VSTM4: variants seen among roughly 807,000 people sequenced by gnomAD.
VSTM4 encodes V-set and transmembrane domain containing 4.
Under a neutral mutation model 36.4 loss-of-function variants are expected in VSTM4, and 20 were observed. The observed-to-expected ratio is 0.55, with a 90% CI of 0.39 to 0.80. The LOEUF is 0.80. Among genes scored for constraint, VSTM4 ranks in the 30% least tolerant of loss-of-function variants. The pLI is 0.00. For missense variants in VSTM4, 392 were observed against 404.5 expected, an observed-to-expected ratio of 0.97 and a Z score of 0.26; for synonymous variants, 182 against 173.9, an observed-to-expected ratio of 1.05 and a Z score of -0.37.
chr10:49,111,925 T>C (rs1211655248), intron 1 of VSTM4, among the ~76,000 whole-genome samples: 2 of 149,012 alleles, frequency 1.3e-5, no homozygotes, highest in Non-Finnish European at 2.9e-5. Flanking sequence ...GGATGTGAGC[T>C]TGAGCTAAAG....
chr10:49,037,936 C>CA (rs371679019), intron 7 of VSTM4, among the ~76,000 whole-genome samples: 7,225 of 127,940 alleles, frequency 0.056, 223 homozygotes, highest in South Asian at 0.16. Flanking sequence ...TAGCTACTAT[C>CA]AAAGAAAAAA....
At chr10:49,105,213 C>CAG (rs376193769) in intron 2 of VSTM4, among the ~76,000 whole-genome samples, 53,844 of 117,078 alleles carry the variant, frequency 0.46, 11,731 homozygotes, top group Non-Finnish European at 0.5. Context: ...GACAGAGAGA[C>CAG]AGAGAGAGAG....
intron 5 of VSTM4, among the ~76,000 whole-genome samples, chr10:49,053,290 C>T (rs1433465146): frequency 6.6e-6 from 1 of 152,196 alleles, no homozygotes; most frequent in Non-Finnish European, 1.5e-5. Flanking sequence ...AGAGGCCTTG[C>T]TGTAAGATGT....
At chr10:49,078,977 C>A (rs1199599021) in intron 3 of VSTM4, among the ~76,000 whole-genome samples, 1 of 150,120 alleles carries the variant, frequency 6.7e-6, no homozygotes, top group Non-Finnish European at 1.5e-5. Context: ...GGCTACAGGT[C>A]CACGCCGCCA....
intron 7 of VSTM4, among the ~76,000 whole-genome samples, chr10:49,029,315 A>G (rs1485274743): frequency 1.3e-5 from 2 of 152,256 alleles, no homozygotes. Flanking sequence ...AATAAAAATA[A>G]AGAAACAAAA....
At position 49,058,922 on chromosome 10, in the gene VSTM4, C is replaced by T. The variant is rs533318804; in HGVS notation, c.668+5781G>A. Among the ~76,000 whole-genome samples the T allele has an allele frequency of 3.9e-5, 6 of 152,308 alleles. No individual in the cohort carries two copies. The East Asian group carries it at 1.2e-3, about 29-fold the overall frequency. On this transcript the variant is annotated intron_variant, in intron 5 of 7. Transcript: ENST00000332853. ...CATTCTTCTTGATCACAGCTTAAGA[C>T]CCAGGGCCCCATTTGCCCATGGCAG... is the stretch of plus-strand genomic sequence containing the variant.
rs928929263 is a variant in VSTM4 at position 49,017,662 on chromosome 10, T to A, written c.*1988A>T. ...GAGGCCTAAGGGGCCTGGGAAGATATTACCCCCTGGCCTGTTGCCCTCTTC... is the reference window on the plus strand; with the variant it reads ...GAGGCCTAAGGGGCCTGGGAAGATAATACCCCCTGGCCTGTTGCCCTCTTC... On this transcript the variant is annotated 3_prime_UTR_variant, in exon 8 of 8. Transcript: ENST00000332853. 6.6e-6 allele frequency: 1 copy of A among 152,158 alleles called. No individual in the cohort carries two copies. Among genetic ancestry groups the A allele is most frequent in the South Asian group, 2.1e-4 (1 of 4,818 alleles). The allele number at this position is 152,158 out of a possible 1,614,324, so 9.4% of individuals were successfully genotyped here. A position where few individuals can be genotyped will look rare whatever the true frequency, so the allele number is the denominator to read the frequency against.
intron 5 of VSTM4, among the ~76,000 whole-genome samples, chr10:49,058,480 A>G (rs1460483032): frequency 2.6e-5 from 4 of 152,134 alleles, no homozygotes; most frequent in Admixed American, 2.0e-4. Context: ...TGGGAAGGGC[A>G]CATTGAACCT....
chr10:49,074,375 G>A (rs891034440), intron 4 of VSTM4, among the ~76,000 whole-genome samples: 3 of 152,218 alleles, frequency 2.0e-5, no homozygotes, highest in African/African-American at 7.2e-5. Context: ...AAGAAGAACA[G>A]CTCTAAGGCC....
intron 3 of VSTM4, among the ~76,000 whole-genome samples, chr10:49,084,438 A>C (rs557202522): frequency 2.6e-5 from 4 of 152,362 alleles, no homozygotes; most frequent in African/African-American, 9.6e-5. Context: ...TGGTCTGCAA[A>C]CGATGTTCAC....
chr10:49,094,610 T>C (rs1409774758), intron 2 of VSTM4, among the ~76,000 whole-genome samples: 1 of 152,168 alleles, frequency 6.6e-6, no homozygotes, highest in East Asian at 1.9e-4. Context: ...GAAGAAAAGA[T>C]CCTTAAGTAA....
chr10:49,073,214 T>C lies in VSTM4; in HGVS notation c.634+4005A>G, dbSNP rs551175082. Reference sequence around the variant, plus strand: ...GCAAATCTACCTGCCAATCTGCTTCTGGAACACCACCTGAGCCTGAGCAAC... The same window carrying C: ...GCAAATCTACCTGCCAATCTGCTTCCGGAACACCACCTGAGCCTGAGCAAC... On this transcript the variant is annotated intron_variant, in intron 4 of 7. Coordinates refer to ENST00000332853, the MANE Select transcript of VSTM4 (RefSeq NM_001031746.5). Among the ~76,000 whole-genome samples the C allele has an allele frequency of 2.0e-5, 3 of 152,322 alleles. No homozygotes were observed. The South Asian group carries it at 6.2e-4, about 32-fold the overall frequency.
At chr10:49,049,992 T>A (rs1843673017) in intron 5 of VSTM4, among the ~76,000 whole-genome samples, 1 of 152,258 alleles carries the variant, frequency 6.6e-6, no homozygotes, top group Non-Finnish European at 1.5e-5. Context: ...AAATGTTGTG[T>A]GCATAAGATC....
intron 5 of VSTM4, among the ~76,000 whole-genome samples, chr10:49,051,498 C>G (rs1164312641): frequency 6.6e-6 from 1 of 151,366 alleles, no homozygotes; most frequent in Admixed American, 6.6e-5. Flanking sequence ...CGGGTTCAAG[C>G]GATTCTCCTG....
In VSTM4 at chr10:49,098,642, G is replaced by A. The variant is rs548649832; in HGVS notation, c.457+8952C>T. 2.6e-5 allele frequency among the ~76,000 whole-genome samples: 4 copies of A among 152,338 alleles called. No individual in the cohort carries two copies. In the East Asian group the frequency reaches 7.7e-4, roughly 29 times the overall value. On this transcript the variant is annotated intron_variant, in intron 2 of 7. Transcript: ENST00000332853. ...CCCCAAAGCCCTGGCATGAGCTGCA[G>A]TGCCTGTCCCTCTGGACATCCATGC...
At chr10:49,094,628 A>G (rs1844536753) in intron 2 of VSTM4, among the ~76,000 whole-genome samples, 1 of 152,256 alleles carries the variant, frequency 6.6e-6, no homozygotes. Flanking sequence ...TAAAACAAAG[A>G]TGAGCCAACA....
chr10:49,062,345 T>C (rs1224616005), intron 5 of VSTM4, among the ~76,000 whole-genome samples: 4 of 152,148 alleles, frequency 2.6e-5, no homozygotes, highest in Admixed American at 2.0e-4. Flanking sequence ...ATTTTAGTCA[T>C]TAAAGTTGGT....
At chr10:49,020,781 G>C (rs1269483771) in intron 7 of VSTM4, among the ~76,000 whole-genome samples, 2 of 150,420 alleles carry the variant, frequency 1.3e-5, no homozygotes, top group African/African-American at 2.4e-5. Context: ...GGCAGGGAGG[G>C]AGAGAGGGAG....
At chr10:49,076,093 C>A (rs915200299) in intron 4 of VSTM4, among the ~76,000 whole-genome samples, 2 of 152,132 alleles carry the variant, frequency 1.3e-5, no homozygotes, top group African/African-American at 4.8e-5. Context: ...TTGGATGTGT[C>A]ACCTCCCTCA....
Sources: gnomAD v4.1 joint callset for allele counts (sites outside exome capture counted in the v4.1 genomes callset) on GRCh38, gnomAD v4.1.1 for gene constraint, MANE v1.5 for transcripts, NCBI Gene and HGNC (gene_info 2026-07-23, HGNC 2026-07-21) for gene names.